Variants in ANKRD11 observed in about 807,000 individuals in gnomAD.
ANKRD11 encodes the protein ankyrin repeat domain 11.
In ANKRD11, 17 loss-of-function variants were observed where a neutral mutation model predicts 195.7. The ratio of observed to expected loss-of-function variants is 0.09; its 90% CI spans 0.06 to 0.13. The LOEUF (loss-of-function observed/expected upper bound fraction) is 0.13, where lower values mean the gene tolerates loss of function less well. ANKRD11 is among the 10% of genes least tolerant of loss of function. The probability of loss-of-function intolerance (pLI) is 1.00; values close to 1 mark genes in which losing one functional copy is unlikely to be tolerated. For missense variants in ANKRD11, 3,735 were observed against 3,566.1 expected, an observed-to-expected ratio of 1.05 and a Z score of -1.21; for synonymous variants, 1,953 against 1,528.1, an observed-to-expected ratio of 1.28 and a Z score of -6.49.
chr16:89,461,192 C>T lies in ANKRD11; in HGVS notation c.-145+29053G>A, dbSNP rs1325530741. ...CAAATATCGTATGACCCCCCCCCCC[C>T]CCTTATAGGAGAGGTGCCTTGAGTG... On this transcript the variant is annotated intron_variant, in intron 1 of 12. Transcript: ENST00000301030. Among the ~76,000 whole-genome samples, 4 of 137,888 alleles carry T rather than the reference C, an allele frequency of 2.9e-5. 1 individual carries two copies. In the East Asian group the frequency reaches 6.6e-4, roughly 23 times the overall value. 90.5% of individuals were successfully genotyped at this position (137,888 alleles called of 152,430 possible).
chr16:89,331,003 G>T (rs979152761), intron 2 of ANKRD11, among the ~76,000 whole-genome samples: 3 of 152,042 alleles, frequency 2.0e-5, no homozygotes, highest in African/African-American at 7.2e-5. Context: ...GCCCAGGCTG[G>T]AGTGCAATGG....
In ANKRD11 at chr16:89,328,135, A is replaced by G. The variant is rs147803715; in HGVS notation, c.-59-11057T>C. 3.6e-4 allele frequency among the ~76,000 whole-genome samples: 45 copies of G among 125,002 alleles called. 1 individual carries two copies. Among genetic ancestry groups the G allele is most frequent in the African/African-American group, 1.3e-3 (44 of 33,932 alleles). 82.0% of individuals were successfully genotyped at this position (125,002 alleles called of 152,430 possible). A position where few individuals can be genotyped will look rare whatever the true frequency, so the allele number is the denominator to read the frequency against. On this transcript the variant is annotated intron_variant, in intron 2 of 12. Coordinates refer to ENST00000301030, the MANE Select transcript of ANKRD11 (RefSeq NM_013275.6). ...CATCCTAAGCCGTTAGGGAAACACAACTTAAAGCCGCAATGAGATATTACT... is the reference window on the plus strand; with the variant it reads ...CATCCTAAGCCGTTAGGGAAACACAGCTTAAAGCCGCAATGAGATATTACT...
chr16:89,402,801 G>T (rs2041752314), intron 2 of ANKRD11, among the ~76,000 whole-genome samples: 1 of 130,096 alleles, frequency 7.7e-6, no homozygotes, highest in South Asian at 2.7e-4. Context: ...TGAGGTGGGG[G>T]TTCTGCGGAA....
intron 2 of ANKRD11, among the ~76,000 whole-genome samples, chr16:89,375,498 C>T (rs1177988760): frequency 1.3e-5 from 2 of 151,866 alleles, no homozygotes; most frequent in African/African-American, 4.8e-5. Context: ...TCACTCTTGT[C>T]GCCCGGGCTG....
At chr16:89,456,012 G>A (rs1031198179) in intron 1 of ANKRD11, among the ~76,000 whole-genome samples, 4 of 152,048 alleles carry the variant, frequency 2.6e-5, no homozygotes, top group African/African-American at 9.7e-5. Context: ...GCTGAAGCTG[G>A]CCAATCACCT....
At chr16:89,301,332 G>A in intron 4 of ANKRD11, 1 of 387,710 alleles carries the variant, frequency 2.6e-6, no homozygotes, top group Non-Finnish European at 4.5e-6. Flanking sequence ...AGTATCATTT[G>A]AAGCAAATCC....
At chr16:89,288,179 C>T (rs1358736701) in intron 7 of ANKRD11, 2 of 606,314 alleles carry the variant, frequency 3.3e-6, no homozygotes, top group East Asian at 2.7e-5. Context: ...CCTTGCAGGT[C>T]TAACAGTCCC....
At chr16:89,477,067 G>C (rs1165770173) in intron 1 of ANKRD11, among the ~76,000 whole-genome samples, 1 of 152,148 alleles carries the variant, frequency 6.6e-6, no homozygotes, top group Non-Finnish European at 1.5e-5. Flanking sequence ...CAGAGAAAAA[G>C]GTTCTCCTTT....
chr16:89,340,956 T>G (rs147059133), intron 2 of ANKRD11, among the ~76,000 whole-genome samples: 10 of 152,146 alleles, frequency 6.6e-5, no homozygotes, highest in African/African-American at 1.9e-4. Context: ...CATCAGCCAA[T>G]AGAGTCCTGG....
intron 2 of ANKRD11, among the ~76,000 whole-genome samples, chr16:89,355,225 G>T (rs748452837): frequency 6.6e-6 from 1 of 151,552 alleles, no homozygotes; most frequent in Non-Finnish European, 1.5e-5. Flanking sequence ...GAGGGCTCAC[G>T]GAGGGAGGGC....
Position 89,280,185 on chromosome 16 carries a change from G to A in ANKRD11, c.6357C>T (p.Pro2119=). ...LSHLGQVEPV[P]WADAFAGPED... ...CGGGGCCGGCGAAGGCGTCCGCCCA[G>A]GGCACCGGCTCCACCTGGCCGAGGT... is the stretch of plus-strand genomic sequence containing the variant. The change falls in exon 9 of 13, where the codon CCC becomes CCT. Residue 2119 remains proline, a synonymous_variant. Coordinates refer to ENST00000301030, the MANE Select transcript of ANKRD11 (RefSeq NM_013275.6). 6.2e-7 allele frequency: 1 copy of A among 1,609,118 alleles called. No individual in the cohort carries two copies. The highest frequency in any genetic ancestry group is 1.3e-5 in the African/African-American group (1 of 75,024).
chr16:89,344,445 C>T (rs1438893844), intron 2 of ANKRD11, among the ~76,000 whole-genome samples: 2 of 152,212 alleles, frequency 1.3e-5, no homozygotes, highest in East Asian at 3.9e-4. Flanking sequence ...CTGCTGTCCA[C>T]ACACTCCTAG....
Position 89,462,842 on chromosome 16 carries a change from C to A in ANKRD11, c.-145+27403G>T, listed in dbSNP as rs536865286. On this transcript the variant is annotated intron_variant, in intron 1 of 12. Transcript: ENST00000301030. ...GAGCCCCTCCGCCCGGCAGCCACCC[C>A]GTCTGGGAAGTGAGGAGCGTCTCCG... Among the ~76,000 whole-genome samples the A allele has an allele frequency of 4.3e-4, 65 of 150,902 alleles. 1 individual carries two copies. Among genetic ancestry groups the A allele is most frequent in the African/African-American group, 1.5e-3 (63 of 41,040 alleles).
In ANKRD11 at chr16:89,358,911, G is replaced by T. The variant is rs564841951; in HGVS notation, c.-59-41833C>A. Among the ~76,000 whole-genome samples, 4 of 151,868 alleles carry T rather than the reference G, an allele frequency of 2.6e-5. No individual in the cohort carries two copies. In the East Asian group the frequency reaches 7.7e-4, roughly 29 times the overall value. The stretch of plus-strand genomic sequence containing the variant: ...TGCGATCATGGCTCACCACAGCCTC[G>T]ACCTCCTGGGCTCAAGTGATCCTCC... On this transcript the variant is annotated intron_variant, in intron 2 of 12. Transcript: ENST00000301030.
In ANKRD11 at chr16:89,285,722, G is replaced by T; in HGVS notation, c.893-73C>A. 6.6e-7 allele frequency: 1 copy of T among 1,516,382 alleles called. No homozygotes were observed. The highest frequency in any genetic ancestry group is 9.2e-7 in the Non-Finnish European group (1 of 1,092,438). The allele number at this position is 1,516,382 out of a possible 1,614,324, so 93.9% of individuals were successfully genotyped here. On this transcript the variant is annotated intron_variant, in intron 8 of 12. Coordinates refer to ENST00000301030, the MANE Select transcript of ANKRD11 (RefSeq NM_013275.6). This position sits in a 1 kb window ranked among gnomAD's most constrained non-coding sequence, Gnocchi z 5.6. ...CTCCCCAGAATGGCAGAGGAGGGAG[G>T]CTCTGCAGATGTGTCTGCGGGAAGG...
intron 2 of ANKRD11, among the ~76,000 whole-genome samples, chr16:89,404,192 G>A (rs1051600651): frequency 6.6e-6 from 1 of 152,174 alleles, no homozygotes; most frequent in African/African-American, 2.4e-5. Context: ...CCAGCCTCAG[G>A]CAGCATGGGG....
At chr16:89,395,513 C>T (rs75587675) in intron 2 of ANKRD11, among the ~76,000 whole-genome samples, 3,747 of 152,322 alleles carry the variant, frequency 0.025, 161 homozygotes, top group African/African-American at 0.086. Flanking sequence ...CAGACCCACC[C>T]GAACGGGGAA....
chr16:89,304,795 C>A (rs1320616301), intron 4 of ANKRD11, among the ~76,000 whole-genome samples: 1 of 152,232 alleles, frequency 6.6e-6, no homozygotes, highest in Non-Finnish European at 1.5e-5. Context: ...GCCTCCTGCT[C>A]ACTTTTAGGG....
intron 1 of ANKRD11, among the ~76,000 whole-genome samples, chr16:89,448,295 G>A (rs554382547): frequency 1.5e-3 from 222 of 152,228 alleles, no homozygotes; most frequent in African/African-American, 5.2e-3. Flanking sequence ...AATATAAAAA[G>A]AAAAAGTCTC....
Sources: gnomAD v4.1 joint callset for allele counts (sites outside exome capture counted in the v4.1 genomes callset) on GRCh38, gnomAD v4.1.1 for gene constraint, Gnocchi (gnomAD v3.1) non-coding constraint, MANE v1.5 for transcripts, NCBI Gene and HGNC (gene_info 2026-07-23, HGNC 2026-07-21) for gene names.